The following PDE11A variants were observed in gnomAD, a reference collection of about 807,000 sequenced individuals.
PDE11A encodes the protein dual 3',5'-cyclic-AMP and -GMP phosphodiesterase 11A.
PDE11A carries 100 observed loss-of-function variants against 100.5 expected under a neutral mutation model. That is an observed-to-expected ratio of 1.00 (90% CI 0.85 to 1.18). PDE11A has a LOEUF of 1.18. Ranked by LOEUF, PDE11A falls within the 50% of genes most tolerant of loss-of-function variation. The pLI is 0.00. For synonymous variants in PDE11A, 381 were observed against 420.8 expected (o/e 0.91, Z 1.16); for missense variants, 1,141 against 1,152.6 (o/e 0.99, Z 0.15).
At chr2:177,789,092 G>A (rs1296909035) in intron 9 of PDE11A, among the ~76,000 whole-genome samples, 1 of 152,144 alleles carries the variant, frequency 6.6e-6, no homozygotes, top group Non-Finnish European at 1.5e-5. Flanking sequence ...ACCAAAAAGA[G>A]AATTTTAGAC....
intron 10 of PDE11A, among the ~76,000 whole-genome samples, chr2:177,767,498 AAATAT>A (rs1479575784): frequency 6.6e-6 from 1 of 152,100 alleles, no homozygotes; most frequent in Non-Finnish European, 1.5e-5. Flanking sequence ...ACAACAGCAA[AAATAT>A]AATATAAACA....
chr2:177,868,516 T>C (rs998869602), intron 5 of PDE11A, among the ~76,000 whole-genome samples: 1 of 152,226 alleles, frequency 6.6e-6, no homozygotes, highest in South Asian at 2.1e-4. Flanking sequence ...TCAGATTCAA[T>C]ATAAATTCTA....
At chr2:177,795,490 T>C (rs1205766575) in intron 9 of PDE11A, among the ~76,000 whole-genome samples, 2 of 152,122 alleles carry the variant, frequency 1.3e-5, no homozygotes, top group East Asian at 3.9e-4. Context: ...TATCAATATA[T>C]GTGATGTCAC....
intron 4 of PDE11A, among the ~76,000 whole-genome samples, chr2:177,893,238 A>G (rs2084557888): frequency 6.6e-6 from 1 of 152,216 alleles, no homozygotes; most frequent in South Asian, 2.1e-4. Flanking sequence ...GCCTTTAGGA[A>G]AAAGTTTTGG....
At chr2:177,853,308 G>A (rs944803511) in intron 5 of PDE11A, among the ~76,000 whole-genome samples, 30 of 151,940 alleles carry the variant, frequency 2.0e-4, no homozygotes, top group East Asian at 7.7e-4. Context: ...GCTGCATAGC[G>A]CATAGAAGGC....
intron 1 of PDE11A, among the ~76,000 whole-genome samples, chr2:178,051,821 A>T (rs1056404955): frequency 2.6e-5 from 4 of 152,322 alleles, no homozygotes; most frequent in Non-Finnish European, 5.9e-5. Context: ...AACTATCCTA[A>T]ATATATATGC....
chr2:177,703,678 G>A (rs150617351), intron 13 of PDE11A, among the ~76,000 whole-genome samples: 21 of 152,184 alleles, frequency 1.4e-4, no homozygotes, highest in African/African-American at 4.8e-4. Context: ...ATTCATGTTG[G>A]GTTAACAGAC....
intron 19 of PDE11A, among the ~76,000 whole-genome samples, chr2:177,652,955 A>G (rs186145781): frequency 5.3e-5 from 8 of 152,230 alleles, no homozygotes; most frequent in Admixed American, 2.6e-4. Context: ...GTTTGCATAT[A>G]TTTAAATGCA....
At chr2:177,963,953 G>T (rs2085666474) in intron 2 of PDE11A, among the ~76,000 whole-genome samples, 1 of 152,164 alleles carries the variant, frequency 6.6e-6, no homozygotes, top group Non-Finnish European at 1.5e-5. Context: ...GATTCTGCAA[G>T]GGAGGCCCTG....
intron 10 of PDE11A, among the ~76,000 whole-genome samples, chr2:177,760,497 C>A (rs113393030): frequency 6.6e-6 from 1 of 151,944 alleles, no homozygotes; most frequent in Non-Finnish European, 1.5e-5. Context: ...TTTGAGTATG[C>A]GAAAATCATA....
chr2:177,750,916 G>A (rs1021713524), intron 10 of PDE11A, among the ~76,000 whole-genome samples: 5 of 152,006 alleles, frequency 3.3e-5, no homozygotes, highest in Non-Finnish European at 4.4e-5. Flanking sequence ...TTACAGAATC[G>A]CCTGGGGGCT....
chr2:177,793,552 A>G (rs1338584257), intron 9 of PDE11A, among the ~76,000 whole-genome samples: 2 of 151,476 alleles, frequency 1.3e-5, no homozygotes, highest in East Asian at 3.9e-4. Flanking sequence ...AAAAAAAAAA[A>G]AAAAAAAAGA....
At chr2:177,986,324 G>A (rs1252528671) in intron 2 of PDE11A, among the ~76,000 whole-genome samples, 1 of 152,104 alleles carries the variant, frequency 6.6e-6, no homozygotes, top group Non-Finnish European at 1.5e-5. Flanking sequence ...GAGAAGCCGA[G>A]GACAAACAGA....
chr2:178,098,687 G>A (rs1362070590), intron 2 of PDE11A, among the ~76,000 whole-genome samples: 1 of 151,850 alleles, frequency 6.6e-6, no homozygotes, highest in Non-Finnish European at 1.5e-5. Flanking sequence ...AGAATGTCAG[G>A]AAAAGTGAAC....
At position 177,993,936 on chromosome 2, in the gene PDE11A, A is replaced by ATTTT. The variant is rs10622468; in HGVS notation, c.1071+20362_1071+20365dup. On this transcript the variant is annotated intron_variant, in intron 2 of 19. Coordinates refer to ENST00000286063, the MANE Select transcript of PDE11A (RefSeq NM_016953.4). ...TGAAGATTAGACTCCGCAAATGTAA[A>ATTTT]TTTTTTTTTTTTTTTTTGAGGCAGA... 1.1e-4 allele frequency among the ~76,000 whole-genome samples: 15 copies of ATTTT among 141,012 alleles called. 1 individual carries two copies. The highest frequency in any genetic ancestry group is 1.5e-4 in the Non-Finnish European group (10 of 65,954). 92.5% of individuals were successfully genotyped at this position (141,012 alleles called of 152,430 possible).
chr2:178,053,382 T>C (rs545123423), intron 1 of PDE11A, among the ~76,000 whole-genome samples: 2 of 152,278 alleles, frequency 1.3e-5, no homozygotes, highest in Non-Finnish European at 2.9e-5. Flanking sequence ...TAAGAGCTAT[T>C]TATGACAGAC....
intron 5 of PDE11A, among the ~76,000 whole-genome samples, 173 bp downstream of exon 5, chr2:177,875,686 G>T (rs1329132922): frequency 6.6e-6 from 1 of 152,090 alleles, no homozygotes; most frequent in African/African-American, 2.4e-5. Context: ...GGCCGTATAT[G>T]CATTTATTTT....
chr2:177,675,421 C>G, intron 17 of PDE11A, 34 bp downstream of exon 17: 1 of 1,535,376 alleles, frequency 6.5e-7, no homozygotes, highest in Non-Finnish European at 9.0e-7. Context: ...CCCAGTCCCT[C>G]CTCTGCTGAG....
intron 1 of PDE11A, among the ~76,000 whole-genome samples, chr2:178,015,947 G>A (rs992029985): frequency 6.6e-6 from 1 of 151,914 alleles, no homozygotes; most frequent in African/African-American, 2.4e-5. Context: ...TGTTAAAGGA[G>A]GCTTAAAAGA....
Sources: gnomAD v4.1 joint callset for allele counts (sites outside exome capture counted in the v4.1 genomes callset) on GRCh38, gnomAD v4.1.1 for gene constraint, MANE v1.5 for transcripts, NCBI Gene and HGNC (gene_info 2026-07-23, HGNC 2026-07-21) for gene names.